Variants in NCAN observed in about 807,000 individuals in gnomAD.
NCAN encodes neurocan core protein.
Under a neutral mutation model 121.8 loss-of-function variants are expected in NCAN, and 47 were observed. The ratio of observed to expected loss-of-function variants is 0.39; its 90% confidence interval spans 0.31 to 0.49. NCAN has a LOEUF of 0.49. Ranked by LOEUF, NCAN falls within the 20% of genes least tolerant of loss-of-function variation. The pLI is 0.92. For synonymous variants in NCAN, 633 were observed against 702.0 expected (o/e 0.90, Z 1.55); for missense variants, 1,517 against 1,773.4 (o/e 0.86, Z 2.60).
intron 13 of NCAN, among the ~76,000 whole-genome samples, chr19:19,246,002 T>A (rs2060923193): frequency 1.3e-5 from 2 of 151,860 alleles, no homozygotes; most frequent in Non-Finnish European, 2.9e-5. Flanking sequence ...TGGGTGGGAT[T>A]ATATTTTATT....
chr19:19,224,117 C>T lies in NCAN; in HGVS notation c.572C>T (p.Ala191Val). 1 of 1,609,612 alleles carries T rather than the reference C, an allele frequency of 6.2e-7. No individual in the cohort carries two copies. Among genetic ancestry groups the T allele is most frequent in the South Asian group, 1.1e-5 (1 of 90,784 alleles). The change falls in exon 4 of 15, where the codon GCC (alanine) becomes GTC (valine). Residue 191 changes from alanine to valine, a missense_variant. Ala to Val is a moderately conservative substitution (Grantham distance 64, BLOSUM62 0). Transcript: ENST00000252575. ...CGTCTCAGCTCAGCCATCATTGCAG[C>T]CCCTCGGCATCTACAGGCTGCCTTT... Reference protein sequence around the residue: ...ACRLSSAIIAAPRHLQAAFED... With the variant: ...ACRLSSAIIAVPRHLQAAFED...
chr19:19,245,097 G>A (rs935752372), intron 12 of NCAN, among the ~76,000 whole-genome samples: 1 of 152,180 alleles, frequency 6.6e-6, no homozygotes, highest in East Asian at 1.9e-4. Flanking sequence ...GGACCAGGGA[G>A]GAGAATGCTG....
intron 8 of NCAN, among the ~76,000 whole-genome samples, chr19:19,230,196 C>T (rs2060852906): frequency 6.6e-6 from 1 of 151,886 alleles, no homozygotes; most frequent in Admixed American, 6.6e-5. Flanking sequence ...AGGCTCCCGC[C>T]ACCACGCCTG....
At chr19:19,218,298 GAAT>G (rs1164044876) in intron 2 of NCAN, among the ~76,000 whole-genome samples, 2 of 151,010 alleles carry the variant, frequency 1.3e-5, no homozygotes, top group Admixed American at 6.6e-5. Flanking sequence ...ATAAATAAAA[GAAT>G]AATAATAATA....
At chr19:19,249,725 C>T in intron 14 of NCAN, 41 bp from the exon 15 acceptor site, 1 of 1,554,892 alleles carries the variant, frequency 6.4e-7, no homozygotes. Flanking sequence ...TGCCTCTCAC[C>T]ACCTTTTGTC....
In NCAN at chr19:19,240,365, G is replaced by A. The variant is rs545265640; in HGVS notation, c.3410-238G>A. The stretch of plus-strand genomic sequence containing the variant: ...TTCCCCTCCCATACATACCTCACCC[G>A]GCCCCCAGCCCACAGAGAGGCTGAG... On this transcript the variant is annotated intron_variant, in intron 11 of 14. Transcript: ENST00000252575. Among the ~76,000 whole-genome samples the A allele has an allele frequency of 1.0e-4, 15 of 149,218 alleles. No homozygotes were observed. The East Asian group carries it at 1.6e-3, about 16-fold the overall frequency.
chr19:19,216,914 C>T, intron 1 of NCAN, 33 bp from the exon 2 acceptor site: 1 of 1,267,856 alleles, frequency 7.9e-7, no homozygotes. Flanking sequence ...TGGGCTGTGG[C>T]TCACCCCTCC....
At chr19:19,247,339 C>T (rs1035848245) in intron 13 of NCAN, among the ~76,000 whole-genome samples, 10 of 152,068 alleles carry the variant, frequency 6.6e-5, no homozygotes, top group Non-Finnish European at 8.8e-5. Context: ...CTACAAGCTC[C>T]GCCTCCCGGG....
intron 3 of NCAN, among the ~76,000 whole-genome samples, chr19:19,221,273 C>G (rs2060815797): frequency 6.6e-6 from 1 of 150,720 alleles, no homozygotes; most frequent in Non-Finnish European, 1.5e-5. Context: ...GGCGCAGTGG[C>G]TCACGCCTGT....
rs537542747 is a variant in NCAN, at chr19:19,224,559, C to T, written c.778+126C>T. 2.9e-4 allele frequency: 365 copies of T among 1,266,174 alleles called. 1 individual carries two copies. Among genetic ancestry groups the T allele is most frequent in the Non-Finnish European group, 3.8e-4 (355 of 928,670 alleles). 78.4% of individuals were successfully genotyped at this position (1,266,174 alleles called of 1,614,324 possible). A position where few individuals can be genotyped will look rare whatever the true frequency, so the allele number is the denominator to read the frequency against. The stretch of plus-strand genomic sequence containing the variant: ...TCTTATACCTCCCTAAACCTGCAAC[C>T]AAGACATGATTCCACTCATTTTCTG... On this transcript the variant is annotated intron_variant, in intron 5 of 14. Coordinates refer to ENST00000252575, the MANE Select transcript of NCAN (RefSeq NM_004386.3).
At chr19:19,230,168 C>T (rs1427919080) in intron 8 of NCAN, among the ~76,000 whole-genome samples, 2 of 151,880 alleles carry the variant, frequency 1.3e-5, no homozygotes, top group East Asian at 1.9e-4. Context: ...CCTCAACCTT[C>T]TGAGTAGCTG....
intron 10 of NCAN, among the ~76,000 whole-genome samples, chr19:19,237,574 G>T (rs2060886223): frequency 1.3e-5 from 2 of 152,056 alleles, no homozygotes; most frequent in Admixed American, 6.6e-5. Flanking sequence ...TTGACAATGA[G>T]CATCTTTTCA....
chr19:19,239,100 A>G (rs1345210891), intron 11 of NCAN, among the ~76,000 whole-genome samples: 2 of 151,372 alleles, frequency 1.3e-5, no homozygotes, highest in South Asian at 2.1e-4. Flanking sequence ...CTTCTCACCT[A>G]TCTGCCCGTC....
Position 19,250,101 on chromosome 19 carries a change from C to G in NCAN, c.*190C>G. 1 of 726,672 alleles carries G rather than the reference C, an allele frequency of 1.4e-6. No individual in the cohort carries two copies. Among genetic ancestry groups the G allele is most frequent in the South Asian group, 1.5e-5 (1 of 67,282 alleles). The allele number at this position is 726,672 out of a possible 1,614,324, so 45.0% of individuals were successfully genotyped here. ...TTTTACATACACAAGATCCTCTTGG[C>G]AGGTGGAGCCAGGTGTCTGAAAAGT... On this transcript the variant is annotated 3_prime_UTR_variant, in exon 15 of 15. Coordinates refer to ENST00000252575, the MANE Select transcript of NCAN (RefSeq NM_004386.3).
Position 19,250,128 on chromosome 19 carries a change from C to T in NCAN, c.*217C>T, listed in dbSNP as rs957988864. 1 of 693,562 alleles carries T rather than the reference C, an allele frequency of 1.4e-6. No homozygotes were observed. The highest frequency in any genetic ancestry group is 1.8e-5 in the African/African-American group (1 of 57,084). 43.0% of individuals were successfully genotyped at this position (693,562 alleles called of 1,614,324 possible). A position where few individuals can be genotyped will look rare whatever the true frequency, so the allele number is the denominator to read the frequency against. On this transcript the variant is annotated 3_prime_UTR_variant, in exon 15 of 15. Coordinates refer to ENST00000252575, the MANE Select transcript of NCAN (RefSeq NM_004386.3). The stretch of plus-strand genomic sequence containing the variant: ...GGTGGAGCCAGGTGTCTGAAAAGTT[C>T]ATTCTCGTCTGGCTGAACTCTGGGA...
Position 19,245,463 on chromosome 19 carries a change from C to T in NCAN, c.3637+6C>T. The T allele has an allele frequency of 6.2e-7, 1 of 1,611,128 alleles. No individual in the cohort carries two copies. The highest frequency in any genetic ancestry group is 2.2e-5 in the East Asian group (1 of 44,812). On this transcript the variant is annotated splice_donor_region_variant and intron_variant, in intron 13 of 14. Coordinates refer to ENST00000252575, the MANE Select transcript of NCAN (RefSeq NM_004386.3). ...TGTCTGCAAGAAGGGCACAGGTATG[C>T]TGTGCCCCCTGCTTCTTTTCCTCTC... is the stretch of plus-strand genomic sequence containing the variant.
intron 13 of NCAN, among the ~76,000 whole-genome samples, chr19:19,247,436 G>A (rs975996303): frequency 4.6e-5 from 7 of 152,194 alleles, no homozygotes; most frequent in Admixed American, 3.9e-4. Context: ...TGTATTTTTA[G>A]TAGAGACGAT....
In NCAN at chr19:19,226,833, G is replaced by A. The variant is rs769010453; in HGVS notation, c.1420G>A (p.Asp474Asn). Residue 474 changes from aspartate (D) to asparagine (N), a missense_variant, in exon 7 of 15, where the codon GAC (aspartate) becomes AAC (asparagine). Physicochemically the swap from Asp to Asn is conservative, Grantham distance 23. Transcript: ENST00000252575. ...ASSHTEVAPTDPMPRRRGRFK... is the reference protein window; with the variant it reads ...ASSHTEVAPTNPMPRRRGRFK... Reference sequence around the variant, plus strand: ...TTCACACACGGAGGTGGCCCCAACTGACCCTATGCCTAGGAGAAGGGGGCG... The same window carrying A: ...TTCACACACGGAGGTGGCCCCAACTAACCCTATGCCTAGGAGAAGGGGGCG... 1.9e-6 allele frequency: 3 copies of A among 1,613,122 alleles called. No homozygotes were observed. The highest frequency in any genetic ancestry group is 2.7e-5 in the African/African-American group (2 of 74,938).
In NCAN at chr19:19,250,686, T is replaced by C. The variant is rs1161766207; in HGVS notation, c.*775T>C. 6.4e-6 allele frequency: 1 copy of C among 156,604 alleles called. No homozygotes were observed. Among genetic ancestry groups the C allele is most frequent in the African/African-American group, 2.4e-5 (1 of 41,430 alleles). 9.7% of individuals were successfully genotyped at this position (156,604 alleles called of 1,614,324 possible). A position where few individuals can be genotyped will look rare whatever the true frequency, so the allele number is the denominator to read the frequency against. On this transcript the variant is annotated 3_prime_UTR_variant, in exon 15 of 15. Coordinates refer to ENST00000252575, the MANE Select transcript of NCAN (RefSeq NM_004386.3). ...TTTCACACAAATAGACGAGAGGATA[T>C]TTAGGGCTAGATGAGCCCAGATTTC...
Sources: allele counts gnomAD v4.1 joint callset (sites outside exome capture counted in the v4.1 genomes callset), GRCh38; gene constraint gnomAD v4.1.1; transcripts MANE v1.5; gene names NCBI Gene and HGNC (gene_info 2026-07-23, HGNC 2026-07-21).